The following LTV1 variants were observed in gnomAD, a reference collection of about 807,000 sequenced individuals.
The protein encoded by LTV1 is protein LTV1 homolog.
In LTV1, 39 loss-of-function variants were observed where a neutral mutation model predicts 59.9. The ratio of observed to expected loss-of-function variants is 0.65; its 90% CI spans 0.50 to 0.85. The LOEUF (loss-of-function observed/expected upper bound fraction) is 0.85, where lower values mean the gene tolerates loss of function less well. Ranked by LOEUF, LTV1 falls within the 40% of genes least tolerant of loss-of-function variation. The pLI is 0.00. For synonymous variants in LTV1, 171 were observed against 189.5 expected (o/e 0.90, Z 0.80); for missense variants, 493 against 549.1 (o/e 0.90, Z 1.02).
chr6:143,850,256 G>C, intron 4 of LTV1, 38 bp downstream of exon 4: 1 of 1,496,258 alleles, frequency 6.7e-7, no homozygotes. Flanking sequence ...ATGGATAAAT[G>C]TATTTTGCAA....
chr6:143,847,226 T>C (rs1294317463), intron 3 of LTV1, among the ~76,000 whole-genome samples: 5 of 152,248 alleles, frequency 3.3e-5, no homozygotes, highest in Admixed American at 1.3e-4. Flanking sequence ...TAGGGACTTA[T>C]TGGCTCACTT....
rs1582943832 is a variant in LTV1, at chr6:143,862,005, G to C, written c.924-99G>C. 2.6e-6 allele frequency: 3 copies of C among 1,170,798 alleles called. No individual in the cohort carries two copies. In the East Asian group the frequency reaches 7.2e-5, roughly 28 times the overall value. The allele number at this position is 1,170,798 out of a possible 1,614,324, so 72.5% of individuals were successfully genotyped here. On this transcript the variant is annotated intron_variant, in intron 7 of 10. Coordinates refer to ENST00000367576, the MANE Select transcript of LTV1 (RefSeq NM_032860.5). The surrounding 1 kb of genome is among the most constrained non-coding windows in gnomAD (Gnocchi z 4.2). The stretch of plus-strand genomic sequence containing the variant: ...CTGGAATATGTGCATTTAAAACATT[G>C]GTTTTTCCACAGCTAAAAATTGCAG...
At chr6:143,845,931 T>G (rs1478556730) in intron 2 of LTV1, 120 bp from the exon 3 acceptor site, 2 of 825,268 alleles carry the variant, frequency 2.4e-6, no homozygotes, top group East Asian at 5.6e-5. Flanking sequence ...ATGTGCCATC[T>G]GCCTCCTACT....
At chr6:143,860,668 C>T in intron 7 of LTV1, 115 bp downstream of exon 7, 1 of 781,418 alleles carries the variant, frequency 1.3e-6, no homozygotes. Context: ...AGTCAAAATA[C>T]ATATTGAGAA....
rs949171945 is a variant in LTV1, at chr6:143,862,907, G to A, written c.1116+11G>A. Reference sequence around the variant, plus strand: ...AAGTATCAACCAAAGGTAAGTCCTAGTGTGCTGAGCTATTTGAAGGATGCA... The same window carrying A: ...AAGTATCAACCAAAGGTAAGTCCTAATGTGCTGAGCTATTTGAAGGATGCA... On this transcript the variant is annotated intron_variant, in intron 9 of 10. Coordinates refer to ENST00000367576, the MANE Select transcript of LTV1 (RefSeq NM_032860.5). This position sits in a 1 kb window ranked among gnomAD's most constrained non-coding sequence, Gnocchi z 4.2. 1 of 1,588,340 alleles carries A rather than the reference G, an allele frequency of 6.3e-7. No individual in the cohort carries two copies. Among genetic ancestry groups the A allele is most frequent in the Non-Finnish European group, 8.6e-7 (1 of 1,156,688 alleles).
intron 3 of LTV1, among the ~76,000 whole-genome samples, chr6:143,846,915 C>T (rs1282625039): frequency 6.6e-6 from 1 of 152,178 alleles, no homozygotes; most frequent in Non-Finnish European, 1.5e-5. Context: ...GGTTTATAAG[C>T]AAAAGGTAAG....
At position 143,862,064 on chromosome 6, in the gene LTV1, TC is replaced by T. The variant is rs1777173634; in HGVS notation, c.924-35del. The T allele has an allele frequency of 6.3e-7, 1 of 1,588,784 alleles. No individual in the cohort carries two copies. The highest frequency in any genetic ancestry group is 1.9e-5 in the Admixed American group (1 of 53,928). ...ACATAGTATAATAATAGGTCATTTT[TC>T]CCCCTCTTGGTCTTCACTTTTAAAA... On this transcript the variant is annotated intron_variant, in intron 7 of 10. Transcript: ENST00000367576. The surrounding 1 kb of genome is among the most constrained non-coding windows in gnomAD (Gnocchi z 4.2).
chr6:143,845,761 A>T (rs1157303169), intron 2 of LTV1, among the ~76,000 whole-genome samples: 1 of 152,256 alleles, frequency 6.6e-6, no homozygotes, highest in Non-Finnish European at 1.5e-5. Flanking sequence ...TTGCACAGAA[A>T]TGTCTAGTGG....
Position 143,862,347 on chromosome 6 carries a change from G to A in LTV1, c.1063+104G>A, listed in dbSNP as rs925124082. On this transcript the variant is annotated intron_variant, in intron 8 of 10. Transcript: ENST00000367576. The surrounding 1 kb of genome is among the most constrained non-coding windows in gnomAD (Gnocchi z 4.2). ...CTGTAGTAATCCCAGCACTTTGGGA[G>A]GCCGAGGCGGGTGGGTCACCTGATG... 6 of 996,796 alleles carry A rather than the reference G, an allele frequency of 6.0e-6. No individual in the cohort carries two copies. The Admixed American group carries it at 1.3e-4, about 22-fold the overall frequency. 61.7% of individuals were successfully genotyped at this position (996,796 alleles called of 1,614,324 possible).
chr6:143,848,959 A>G (rs1776940347), intron 3 of LTV1, among the ~76,000 whole-genome samples: 1 of 152,226 alleles, frequency 6.6e-6, no homozygotes, highest in Non-Finnish European at 1.5e-5. Flanking sequence ...CTTGATTTGC[A>G]TGGTCATATA....
chr6:143,857,664 A>G lies in LTV1; in HGVS notation c.540-88A>G. On this transcript the variant is annotated intron_variant, in intron 5 of 10. Transcript: ENST00000367576. The surrounding 1 kb of genome is among the most constrained non-coding windows in gnomAD (Gnocchi z 5.2). ...CTGCCTAGACAAGAACCCTTCCTGAAATACCTTCCAATTTTACTTGTGTAA... is the reference window on the plus strand; with the variant it reads ...CTGCCTAGACAAGAACCCTTCCTGAGATACCTTCCAATTTTACTTGTGTAA... 6.9e-7 allele frequency: 1 copy of G among 1,453,732 alleles called. No homozygotes were observed. Among genetic ancestry groups the G allele is most frequent in the Non-Finnish European group, 9.5e-7 (1 of 1,049,068 alleles). The allele number at this position is 1,453,732 out of a possible 1,614,324, so 90.1% of individuals were successfully genotyped here.
intron 7 of LTV1, among the ~76,000 whole-genome samples, chr6:143,861,564 A>G (rs1271860094): frequency 1.3e-5 from 2 of 152,216 alleles, no homozygotes; most frequent in African/African-American, 4.8e-5. Flanking sequence ...TGTTCTGAGA[A>G]GTAGGTATTT....
rs1278273208 is a variant in LTV1 at position 143,844,528 on chromosome 6, G to A, written c.46G>A (p.Val16Met). The change falls in exon 2 of 11, where the codon GTG becomes ATG. Residue 16 changes from valine (V) to methionine (M), a missense_variant. Coordinates refer to ENST00000367576, the MANE Select transcript of LTV1 (RefSeq NM_032860.5). ...GCCCTTTATAGAGAAGAAGAAAGCT[G>A]TGTCTTTTCACTTGGTCCACCGGAG... ...KKPFIEKKKA[V>M]SFHLVHRSQR... 1 of 1,614,118 alleles carries A rather than the reference G, an allele frequency of 6.2e-7. No individual in the cohort carries two copies. Among genetic ancestry groups the A allele is most frequent in the Non-Finnish European group, 8.5e-7 (1 of 1,180,000 alleles).
intron 7 of LTV1, among the ~76,000 whole-genome samples, chr6:143,861,775 A>C (rs755127005): frequency 6.9e-6 from 1 of 144,522 alleles, no homozygotes; most frequent in Non-Finnish European, 1.5e-5. Flanking sequence ...GAAGCTATAT[A>C]GTTGAGTGAA....
chr6:143,850,136 T>A lies in LTV1; in HGVS notation c.315T>A (p.Thr105=). 3.1e-6 allele frequency: 5 copies of A among 1,612,972 alleles called. No individual in the cohort carries two copies. The highest frequency in any genetic ancestry group is 4.2e-6 in the Non-Finnish European group (5 of 1,179,406). Residue 105 remains threonine, a synonymous_variant, in exon 4 of 11, where the codon ACT becomes ACA. Transcript: ENST00000367576. ...EKEETLVIPS[T]GIKLPSSVFA... is the part of the protein sequence containing the mutation. ...TGTGCAATTTCTTTTTCAAGAGCACTGGAATTAAGTTGCCTTCATCAGTGT... is the reference window on the plus strand; with the variant it reads ...TGTGCAATTTCTTTTTCAAGAGCACAGGAATTAAGTTGCCTTCATCAGTGT...
At chr6:143,851,938 G>A (rs1776989630) in intron 4 of LTV1, among the ~76,000 whole-genome samples, 1 of 152,198 alleles carries the variant, frequency 6.6e-6, no homozygotes, top group African/African-American at 2.4e-5. Context: ...ATTCCATGGT[G>A]TATATGTGCC....
intron 4 of LTV1, among the ~76,000 whole-genome samples, chr6:143,854,413 T>C (rs768497449): frequency 1.1e-4 from 17 of 152,202 alleles, no homozygotes; most frequent in Non-Finnish European, 1.9e-4. Flanking sequence ...CCTGGATTCA[T>C]TGGTTTTTTT....
chr6:143,862,853 CAAATTT>C lies in LTV1; in HGVS notation c.1075_1080del (p.Asn359_Leu360del), dbSNP rs1777190805. On this transcript the variant is annotated inframe_deletion, in exon 9 of 11. Coordinates refer to ENST00000367576, the MANE Select transcript of LTV1 (RefSeq NM_032860.5). The surrounding 1 kb of genome is among the most constrained non-coding windows in gnomAD (Gnocchi z 4.2). ...TTATTTGTTTGTTTAGGTACATACT[CAAATTT>C]ATATAACCATCCACAGCTTATCAAG... 1 of 1,582,900 alleles carries C rather than the reference CAAATTT, an allele frequency of 6.3e-7. No individual in the cohort carries two copies. The highest frequency in any genetic ancestry group is 1.7e-5 in the Admixed American group (1 of 59,930).
Position 143,846,110 on chromosome 6 carries a change from C to G in LTV1, c.195C>G (p.Asp65Glu). 1 of 1,614,194 alleles carries G rather than the reference C, an allele frequency of 6.2e-7. No individual in the cohort carries two copies. Residue 65 changes from aspartate to glutamate, a missense_variant, in exon 3 of 11, where the codon GAC becomes GAG. Coordinates refer to ENST00000367576, the MANE Select transcript of LTV1 (RefSeq NM_032860.5). ...AGTATGGAGTGTTCTTTGATGACGA[C>G]TATGACTACCTGCAGCACCTGAAGG... is the stretch of plus-strand genomic sequence containing the variant. ...QRKYGVFFDD[D>E]YDYLQHLKEP...
Sources: allele counts gnomAD v4.1 joint callset (sites outside exome capture counted in the v4.1 genomes callset), GRCh38; gene constraint gnomAD v4.1.1; non-coding constraint Gnocchi (gnomAD v3.1); transcripts MANE v1.5; gene names NCBI Gene and HGNC (gene_info 2026-07-23, HGNC 2026-07-21).